The following FHIT variants were observed in gnomAD, a reference collection of about 807,000 sequenced individuals.
FHIT encodes the protein bis(5'-adenosyl)-triphosphatase.
FHIT carries 19 observed loss-of-function variants against 17.9 expected under a neutral mutation model. The ratio of observed to expected loss-of-function variants is 1.06; its 90% CI spans 0.74 to 1.56. FHIT has a LOEUF of 1.56. Ranked by LOEUF, FHIT falls within the 40% of genes most tolerant of loss-of-function variation. The probability of loss-of-function intolerance (pLI) is 0.00; values close to 1 mark genes in which losing one functional copy is unlikely to be tolerated. For synonymous variants in FHIT, 81 were observed against 69.7 expected (o/e 1.16, Z -0.81); for missense variants, 248 against 189.2 (o/e 1.31, Z -1.82).
At chr3:59,941,900 C>A (rs554006793) in intron 7 of FHIT, among the ~76,000 whole-genome samples, 1 of 152,278 alleles carries the variant, frequency 6.6e-6, no homozygotes, top group East Asian at 1.9e-4. Context: ...GCACTGTGAA[C>A]TGGAAATGTG....
intron 5 of FHIT, among the ~76,000 whole-genome samples, chr3:60,015,870 A>C (rs902789877): frequency 6.6e-6 from 1 of 152,222 alleles, no homozygotes; most frequent in Non-Finnish European, 1.5e-5. Context: ...ACACCATAAA[A>C]AAACTTATTG....
rs549474545 is a variant in FHIT, at chr3:60,547,994, C to T, written c.-17-11015G>A. Among the ~76,000 whole-genome samples, 278 of 152,160 alleles carry T rather than the reference C, an allele frequency of 1.8e-3. 1 individual carries two copies. The highest frequency in any genetic ancestry group is 6.3e-3 in the African/African-American group (261 of 41,520). ...TTATGTTAACATCCAACTAAAGTAA[C>T]GAAATCTCTTTTGGTATTGCCAAAA... On this transcript the variant is annotated intron_variant, in intron 4 of 9. Coordinates refer to ENST00000492590, the MANE Select transcript of FHIT (RefSeq NM_002012.4).
chr3:60,414,728 T>C (rs1170578677), intron 5 of FHIT, among the ~76,000 whole-genome samples: 2 of 152,170 alleles, frequency 1.3e-5, no homozygotes, highest in Admixed American at 6.5e-5. Context: ...CCTTCAAACA[T>C]AGAGCGTTCT....
intron 5 of FHIT, among the ~76,000 whole-genome samples, chr3:60,068,189 C>T (rs983038599): frequency 6.6e-6 from 1 of 152,074 alleles, no homozygotes; most frequent in African/African-American, 2.4e-5. Flanking sequence ...GAGCTGAGAT[C>T]GCACCACTGC....
chr3:60,615,321 G>A (rs2038919090), intron 4 of FHIT, among the ~76,000 whole-genome samples: 1 of 152,156 alleles, frequency 6.6e-6, no homozygotes, highest in East Asian at 1.9e-4. Flanking sequence ...CATTAGAGGA[G>A]CTATTCAACT....
chr3:60,155,896 A>G (rs141153525), intron 5 of FHIT, among the ~76,000 whole-genome samples: 1 of 152,148 alleles, frequency 6.6e-6, no homozygotes, highest in Non-Finnish European at 1.5e-5. Context: ...CTCAGTCCCC[A>G]GTGTTACTTA....
At chr3:59,841,202 C>T (rs1397937726) in intron 8 of FHIT, among the ~76,000 whole-genome samples, 1 of 152,152 alleles carries the variant, frequency 6.6e-6, no homozygotes, top group Admixed American at 6.6e-5. Context: ...TGGAAGATCA[C>T]AGCTGTATGC....
chr3:59,965,317 T>C (rs1196441461), intron 7 of FHIT, among the ~76,000 whole-genome samples: 8 of 152,152 alleles, frequency 5.3e-5, no homozygotes, highest in African/African-American at 1.9e-4. Flanking sequence ...ATATCTGATT[T>C]AAACACATGC....
chr3:59,972,017 TG>T (rs1410497507), intron 7 of FHIT, among the ~76,000 whole-genome samples: 2 of 152,108 alleles, frequency 1.3e-5, no homozygotes, highest in Non-Finnish European at 2.9e-5. Flanking sequence ...CTCCATCACA[TG>T]TTCAGCCTTG....
intron 3 of FHIT, among the ~76,000 whole-genome samples, chr3:61,036,317 C>G (rs80264340): frequency 7.3e-4 from 110 of 150,914 alleles, no homozygotes; most frequent in African/African-American, 2.6e-3. Context: ...AGGGATCAGC[C>G]CCCCCTGATC....
chr3:60,601,545 A>G lies in FHIT; in HGVS notation c.-17-64566T>C, dbSNP rs896933568. 6.6e-5 allele frequency among the ~76,000 whole-genome samples: 10 copies of G among 152,186 alleles called. No homozygotes were observed. The East Asian group carries it at 1.7e-3, about 26-fold the overall frequency. On this transcript the variant is annotated intron_variant, in intron 4 of 9. Coordinates refer to ENST00000492590, the MANE Select transcript of FHIT (RefSeq NM_002012.4). The stretch of plus-strand genomic sequence containing the variant: ...TTGAAATCAAGGAAGATGAAGATCA[A>G]CTCACACCAGTTAAGAAAAACAACA...
intron 8 of FHIT, among the ~76,000 whole-genome samples, chr3:59,808,818 G>T (rs1700302717): frequency 6.6e-6 from 1 of 152,196 alleles, no homozygotes; most frequent in African/African-American, 2.4e-5. Context: ...CAAAGGGACT[G>T]CGGGGTAGAA....
chr3:60,444,559 A>G (rs1158345406), intron 5 of FHIT, among the ~76,000 whole-genome samples: 19 of 152,234 alleles, frequency 1.2e-4, no homozygotes, highest in African/African-American at 4.6e-4. Flanking sequence ...TGTGGATGAA[A>G]CTAGAAACCA....
At chr3:60,832,961 G>C (rs147931129) in intron 3 of FHIT, among the ~76,000 whole-genome samples, 1 of 152,288 alleles carries the variant, frequency 6.6e-6, no homozygotes, top group Non-Finnish European at 1.5e-5. Context: ...TATGTTGCTA[G>C]TGGCTACCAT....
At chr3:61,053,494 A>C (rs1331693780) in intron 2 of FHIT, among the ~76,000 whole-genome samples, 1 of 151,972 alleles carries the variant, frequency 6.6e-6, no homozygotes, top group African/African-American at 2.4e-5. Flanking sequence ...CCCCATCTCT[A>C]CCAAAAATAC....
intron 8 of FHIT, among the ~76,000 whole-genome samples, chr3:59,888,645 G>A (rs914164266): frequency 6.6e-6 from 1 of 152,086 alleles, no homozygotes; most frequent in African/African-American, 2.4e-5. Flanking sequence ...TTCTTTGAGG[G>A]ATCTAGGTAA....
chr3:60,518,755 T>C (rs530939215), intron 5 of FHIT, among the ~76,000 whole-genome samples: 1 of 152,334 alleles, frequency 6.6e-6, no homozygotes, highest in African/African-American at 2.4e-5. Context: ...ATGCCTGTAA[T>C]CCAAGCACTA....
chr3:60,840,301 C>A (rs954302010), intron 3 of FHIT, among the ~76,000 whole-genome samples: 2 of 152,150 alleles, frequency 1.3e-5, no homozygotes, highest in Admixed American at 6.5e-5. Context: ...CTAATTTTCA[C>A]ATCTTTCATG....
rs183360800 is a variant in FHIT at position 60,821,520 on chromosome 3, A to G, written c.-18+399T>C. 1.5e-3 allele frequency among the ~76,000 whole-genome samples: 222 copies of G among 152,252 alleles called. 4 individuals carry two copies. Among genetic ancestry groups the G allele is most frequent in the Non-Finnish European group, 2.4e-3 (164 of 68,026 alleles). On this transcript the variant is annotated intron_variant, in intron 4 of 9. Coordinates refer to ENST00000492590, the MANE Select transcript of FHIT (RefSeq NM_002012.4). Reference sequence around the variant, plus strand: ...TAGCATTCTCAAAGTCATGCAAAACATAACAACCTGACTTTGTAACTGTTT... The same window carrying G: ...TAGCATTCTCAAAGTCATGCAAAACGTAACAACCTGACTTTGTAACTGTTT...
Sources: allele counts gnomAD v4.1 joint callset (sites outside exome capture counted in the v4.1 genomes callset), GRCh38; gene constraint gnomAD v4.1.1; transcripts MANE v1.5; gene names NCBI Gene and HGNC (gene_info 2026-07-23, HGNC 2026-07-21).